MGME1: variants seen among roughly 807,000 people sequenced by gnomAD.
MGME1 encodes the protein mitochondrial genome maintenance exonuclease 1, also known as chromosome 20 open reading frame 72.
MGME1 carries 22 observed loss-of-function variants against 33.0 expected under a neutral mutation model. The observed-to-expected ratio is 0.67, with a 90% CI of 0.48 to 0.95. The LOEUF (loss-of-function observed/expected upper bound fraction) is 0.95. Ranked by LOEUF, MGME1 falls within the 40% of genes least tolerant of loss-of-function variation. The pLI is 0.00. For synonymous variants in MGME1, 133 were observed against 144.0 expected (o/e 0.92, Z 0.55); for missense variants, 383 against 397.8 (o/e 0.96, Z 0.32).
In MGME1 at chr20:17,981,779, G is replaced by T. The variant is rs948962952; in HGVS notation, c.731+5876G>T. 4.0e-5 allele frequency among the ~76,000 whole-genome samples: 6 copies of T among 151,732 alleles called. No homozygotes were observed. In the South Asian group the frequency reaches 1.2e-3, roughly 32 times the overall value. ...TCCCAGGTTCCAGCAATTCTGCCTC[G>T]CCCTCCTGAGTAGCTGGGATTACAG... On this transcript the variant is annotated intron_variant, in intron 3 of 4. Coordinates refer to ENST00000377710, the MANE Select transcript of MGME1 (RefSeq NM_052865.4).
chr20:17,972,634 C>T (rs1027212744), intron 2 of MGME1: 37 of 977,360 alleles, frequency 3.8e-5, no homozygotes, highest in Non-Finnish European at 4.5e-5. Flanking sequence ...ATTCTTGGAT[C>T]ATTTTTTATT....
intron 3 of MGME1, among the ~76,000 whole-genome samples, chr20:17,978,265 C>T (rs1398277292): frequency 6.6e-6 from 1 of 152,066 alleles, no homozygotes; most frequent in Non-Finnish European, 1.5e-5. Flanking sequence ...AGTGCAATGG[C>T]GTGATCTTGG....
intron 2 of MGME1, among the ~76,000 whole-genome samples, chr20:17,973,563 G>A (rs1378559130): frequency 6.6e-6 from 1 of 151,982 alleles, no homozygotes; most frequent in Non-Finnish European, 1.5e-5. Flanking sequence ...GATTGCTTAA[G>A]GCCAGGTGTT....
chr20:17,987,927 C>A (rs1291459557), intron 3 of MGME1, among the ~76,000 whole-genome samples: 1 of 151,980 alleles, frequency 6.6e-6, no homozygotes, highest in Non-Finnish European at 1.5e-5. Context: ...GGGGGGTGCA[C>A]TTATAGTCCC....
intron 2 of MGME1, among the ~76,000 whole-genome samples, chr20:17,974,885 A>G (rs1026348682): frequency 3.3e-5 from 5 of 151,978 alleles, no homozygotes; most frequent in African/African-American, 1.2e-4. Context: ...TCATTTGCGC[A>G]TGCCTTATTT....
rs1555792141 is a variant in MGME1, at chr20:17,990,409, T to TGGG, written c.*300_*301insGGG. On this transcript the variant is annotated 3_prime_UTR_variant, in exon 5 of 5. Transcript: ENST00000377710. The stretch of plus-strand genomic sequence containing the variant: ...GACTCTTGTACTCCCTTGAGGGACA[T>TGGG]TGGGGGGGGGGGGGCGTGGTCCCAG... 4 of 64,116 alleles carry TGGG rather than the reference T, an allele frequency of 6.2e-5. No homozygotes were observed. Among genetic ancestry groups the TGGG allele is most frequent in the African/African-American group, 9.8e-5 (1 of 10,244 alleles). The allele number at this position is 64,116 out of a possible 1,614,324, so 4.0% of individuals were successfully genotyped here.
In MGME1 at chr20:17,969,920, G is replaced by A. The variant is rs1263621928; in HGVS notation, c.61G>A (p.Glu21Lys). 6.2e-7 allele frequency: 1 copy of A among 1,613,986 alleles called. No homozygotes were observed. Among genetic ancestry groups the A allele is most frequent in the East Asian group, 2.2e-5 (1 of 44,884 alleles). ...GCTCAGGAGTTCAAAGTTTTCTGTG[G>A]AATCAGCTGCCCTTGTGGCTTTCTC... Reference protein sequence around the residue: ...RQLRSSKFSVESAALVAFSTS... With the variant: ...RQLRSSKFSVKSAALVAFSTS... Residue 21 changes from glutamate to lysine, a missense_variant, in exon 2 of 5, where the codon GAA becomes AAA. Transcript: ENST00000377710.
At position 17,990,355 on chromosome 20, in the gene MGME1, G is replaced by GATC; in HGVS notation, c.*246_*247insATC. ...GCTACCTCTTATTTACCTGAAAGGA[G>GATC]GACACGCAGGATGGGCAGTCATGCT... On this transcript the variant is annotated 3_prime_UTR_variant, in exon 5 of 5. Coordinates refer to ENST00000377710, the MANE Select transcript of MGME1 (RefSeq NM_052865.4). The GATC allele has an allele frequency of 2.5e-6, 1 of 404,490 alleles. No individual in the cohort carries two copies. The allele number at this position is 404,490 out of a possible 1,614,324, so 25.1% of individuals were successfully genotyped here.
intron 3 of MGME1, among the ~76,000 whole-genome samples, chr20:17,977,060 T>C (rs2035888022): frequency 6.6e-6 from 1 of 151,898 alleles, no homozygotes; most frequent in Non-Finnish European, 1.5e-5. Context: ...CCGAGAGGGT[T>C]CTTCGATCTC....
At chr20:17,974,308 G>T (rs546571435) in intron 2 of MGME1, among the ~76,000 whole-genome samples, 1 of 152,060 alleles carries the variant, frequency 6.6e-6, no homozygotes, top group Non-Finnish European at 1.5e-5. Flanking sequence ...CAGGTAATCC[G>T]CCTGCCTTGG....
intron 3 of MGME1, among the ~76,000 whole-genome samples, chr20:17,981,062 A>G (rs73901146): frequency 0.058 from 8,812 of 152,102 alleles, 840 homozygotes; most frequent in African/African-American, 0.2. Flanking sequence ...ACCTCCTTCT[A>G]GTCTGCCTTC....
intron 2 of MGME1, among the ~76,000 whole-genome samples, chr20:17,971,107 A>T (rs995174224): frequency 2.0e-5 from 3 of 152,356 alleles, no homozygotes; most frequent in Non-Finnish European, 4.4e-5. Flanking sequence ...AGTAGTACAC[A>T]AACTCTTTCA....
intron 3 of MGME1, among the ~76,000 whole-genome samples, chr20:17,977,089 G>A (rs1025473621): frequency 1.3e-5 from 2 of 151,976 alleles, no homozygotes; most frequent in African/African-American, 4.8e-5. Flanking sequence ...AAGAATTTAG[G>A]TTGAAGGCAG....
intron 2 of MGME1, chr20:17,972,688 A>G (rs2035760030): frequency 1.0e-6 from 1 of 985,280 alleles, no homozygotes; most frequent in South Asian, 4.7e-5. Flanking sequence ...CTTAGTGTCT[A>G]AAGGATCCTG....
chr20:17,985,471 AGTT>A (rs2122603539), intron 3 of MGME1, among the ~76,000 whole-genome samples: 1 of 152,342 alleles, frequency 6.6e-6, no homozygotes, highest in South Asian at 2.1e-4. Context: ...AGTAAGCTAA[AGTT>A]AATGTATTAT....
rs769949021 is a variant in MGME1 at position 17,988,267 on chromosome 20, C to T, written c.833C>T (p.Ala278Val). The T allele has an allele frequency of 1.2e-6, 2 of 1,613,910 alleles. No homozygotes were observed. Among genetic ancestry groups the T allele is most frequent in the South Asian group, 1.1e-5 (1 of 91,028 alleles). The change falls in exon 4 of 5, where the codon GCC becomes GTC. Residue 278 changes from alanine to valine, a missense_variant. Transcript: ENST00000377710. Reference sequence around the variant, plus strand: ...CTGCAAGTTGTGGCATACATGGGTGCCATGAACCATGATACCAACTACAGC... The same window carrying T: ...CTGCAAGTTGTGGCATACATGGGTGTCATGAACCATGATACCAACTACAGC... Reference protein sequence around the residue: ...NPLQVVAYMGAMNHDTNYSFQ... With the variant: ...NPLQVVAYMGVMNHDTNYSFQ...
intron 4 of MGME1, among the ~76,000 whole-genome samples, chr20:17,989,056 T>G (rs1276715951): frequency 6.6e-6 from 1 of 151,834 alleles, no homozygotes; most frequent in East Asian, 1.9e-4. Flanking sequence ...ACCACTGCAC[T>G]CTAGCCTGGC....
Position 17,989,913 on chromosome 20 carries a change from G to A in MGME1, c.865-26G>A, listed in dbSNP as rs377423740. On this transcript the variant is annotated intron_variant, in intron 4 of 4. Coordinates refer to ENST00000377710, the MANE Select transcript of MGME1 (RefSeq NM_052865.4). ...AACTCTGGACCTACTGTAGTGAAACGAGAATTGCCCTGTGTTTCTTCCTAG... is the reference window on the plus strand; with the variant it reads ...AACTCTGGACCTACTGTAGTGAAACAAGAATTGCCCTGTGTTTCTTCCTAG... 1.3e-4 allele frequency: 210 copies of A among 1,606,964 alleles called. 2 individuals are homozygous for A. In the Middle Eastern group the frequency reaches 1.7e-3, roughly 13 times the overall value.
intron 2 of MGME1, among the ~76,000 whole-genome samples, chr20:17,971,645 C>G (rs2035731744): frequency 6.6e-6 from 1 of 152,048 alleles, no homozygotes; most frequent in South Asian, 2.1e-4. Flanking sequence ...AGAGGAATTT[C>G]TGTTTGGAAT....
Sources: gnomAD v4.1 joint callset for allele counts (sites outside exome capture counted in the v4.1 genomes callset) on GRCh38, gnomAD v4.1.1 for gene constraint, MANE v1.5 for transcripts, NCBI Gene and HGNC (gene_info 2026-07-23, HGNC 2026-07-21) for gene names.